Variants in IKZF2 observed in about 807,000 individuals in gnomAD.
IKZF2 encodes zinc finger protein Helios.
A neutral mutation model predicts 49.2 loss-of-function variants in IKZF2; 15 were observed. The ratio of observed to expected loss-of-function variants is 0.30; its 90% CI spans 0.20 to 0.47. The LOEUF is 0.47. Among genes scored for constraint, IKZF2 ranks in the 20% least tolerant of loss-of-function variants. IKZF2 has a pLI of 1.00. For missense variants in IKZF2, 567 were observed against 664.6 expected, an observed-to-expected ratio of 0.85 and a Z score of 1.61; for synonymous variants, 227 against 221.4, an observed-to-expected ratio of 1.03 and a Z score of -0.23.
chr2:213,110,547 T>TAA (rs1414609084), intron 4 of IKZF2, among the ~76,000 whole-genome samples: 2 of 151,994 alleles, frequency 1.3e-5, no homozygotes, highest in Non-Finnish European at 2.9e-5. Context: ...TATACCTAAT[T>TAA]TATTTAATCA....
At chr2:213,043,545 T>C (rs945359063) in intron 6 of IKZF2, among the ~76,000 whole-genome samples, 1 of 152,238 alleles carries the variant, frequency 6.6e-6, no homozygotes, top group African/African-American at 2.4e-5. Flanking sequence ...CTTAATACTC[T>C]ATATCAGCAG....
Position 213,060,030 on chromosome 2 carries a change from C to T in IKZF2, c.140-2931G>A, listed in dbSNP as rs530859860. 2.1e-4 allele frequency among the ~76,000 whole-genome samples: 31 copies of T among 151,176 alleles called. No individual in the cohort carries two copies. In the South Asian group the frequency reaches 2.1e-3, roughly 10 times the overall value. ...ATAAAGTGCAACACATTTTAATATA[C>T]GCATGTCATACATTAAATTTTGCAT... On this transcript the variant is annotated intron_variant, in intron 4 of 8. Transcript: ENST00000434687.
At chr2:213,115,828 G>A (rs1325314471) in intron 4 of IKZF2, among the ~76,000 whole-genome samples, 1 of 151,974 alleles carries the variant, frequency 6.6e-6, no homozygotes, top group African/African-American at 2.4e-5. Context: ...TTCACATGGT[G>A]TAATAAATAC....
At chr2:213,122,243 C>T (rs2060082397) in intron 4 of IKZF2, among the ~76,000 whole-genome samples, 1 of 152,232 alleles carries the variant, frequency 6.6e-6, no homozygotes, top group African/African-American at 2.4e-5. Flanking sequence ...CTACCATCTT[C>T]TGAAAAGCAG....
chr2:213,050,061 T>A (rs1046952371), intron 5 of IKZF2, among the ~76,000 whole-genome samples, 181 bp from the exon 6 acceptor site: 2 of 152,170 alleles, frequency 1.3e-5, no homozygotes, highest in Non-Finnish European at 2.9e-5. Context: ...GTCTTAAGTT[T>A]TACATCAAAT....
chr2:213,126,921 C>G (rs2060282928), intron 4 of IKZF2, among the ~76,000 whole-genome samples: 1 of 152,256 alleles, frequency 6.6e-6, no homozygotes, highest in African/African-American at 2.4e-5. Flanking sequence ...CACCAAAAAA[C>G]CATCAATCTT....
intron 4 of IKZF2, among the ~76,000 whole-genome samples, chr2:213,102,241 C>T (rs925595398): frequency 2.0e-5 from 3 of 152,080 alleles, no homozygotes; most frequent in Non-Finnish European, 2.9e-5. Context: ...TTTCTGTACC[C>T]GGGAAAACCA....
At chr2:213,040,246 T>TG (rs201936103) in intron 6 of IKZF2, among the ~76,000 whole-genome samples, 7 of 50,652 alleles carry the variant, frequency 1.4e-4, no homozygotes, top group Admixed American at 3.2e-4. Flanking sequence ...GTCATGGGTT[T>TG]TTTTTTTTTT....
At chr2:213,019,036 G>C (rs958177077) in intron 7 of IKZF2, among the ~76,000 whole-genome samples, 2 of 151,994 alleles carry the variant, frequency 1.3e-5, no homozygotes, top group African/African-American at 4.8e-5. Flanking sequence ...TGTATTAAAA[G>C]ACTGGGTCCA....
At chr2:213,143,114 A>C (rs1259506729) in intron 4 of IKZF2, among the ~76,000 whole-genome samples, 1 of 152,042 alleles carries the variant, frequency 6.6e-6, no homozygotes, top group Non-Finnish European at 1.5e-5. Flanking sequence ...AATATGATAA[A>C]AATATGTAAA....
chr2:213,129,346 G>A (rs150586836), intron 4 of IKZF2, among the ~76,000 whole-genome samples: 3 of 147,658 alleles, frequency 2.0e-5, no homozygotes, highest in Non-Finnish European at 4.5e-5. Flanking sequence ...GCAAAGCCTC[G>A]CCAAGGAGGC....
At chr2:213,011,542 T>A (rs190619382) in intron 8 of IKZF2, among the ~76,000 whole-genome samples, 2 of 152,016 alleles carry the variant, frequency 1.3e-5, no homozygotes, top group African/African-American at 2.4e-5. Context: ...TCCTATAGAA[T>A]TGGTAATATT....
chr2:213,133,772 T>C (rs144401344), intron 4 of IKZF2, among the ~76,000 whole-genome samples: 1 of 152,046 alleles, frequency 6.6e-6, no homozygotes, highest in African/African-American at 2.4e-5. Flanking sequence ...CTAAGTACTA[T>C]CAAAAAGAGT....
intron 6 of IKZF2, among the ~76,000 whole-genome samples, chr2:213,041,388 C>A (rs997585523): frequency 1.3e-5 from 2 of 151,840 alleles, no homozygotes; most frequent in Non-Finnish European, 2.9e-5. Context: ...GGCTGGTGTC[C>A]GCCTCCCGGG....
chr2:213,060,811 T>A (rs984911285), intron 4 of IKZF2, among the ~76,000 whole-genome samples: 3 of 151,480 alleles, frequency 2.0e-5, no homozygotes, highest in African/African-American at 7.2e-5. Context: ...AGCATTTATA[T>A]TTATAACTGT....
At chr2:213,119,031 T>C (rs1487912158) in intron 4 of IKZF2, among the ~76,000 whole-genome samples, 4 of 152,230 alleles carry the variant, frequency 2.6e-5, no homozygotes, top group African/African-American at 4.8e-5. Context: ...TGAATTGTTC[T>C]ATGACAGGAT....
chr2:213,124,235 T>TGAACTCGCGC (rs879580232), intron 4 of IKZF2, among the ~76,000 whole-genome samples: 2 of 115,176 alleles, frequency 1.7e-5, no homozygotes, highest in Non-Finnish European at 3.4e-5. Flanking sequence ...CACGCACACA[T>TGAACTCGCGC]GCGCTCGCGC....
intron 5 of IKZF2, among the ~76,000 whole-genome samples, chr2:213,054,729 AG>A (rs1293685898): frequency 1.3e-5 from 2 of 152,202 alleles, no homozygotes; most frequent in African/African-American, 4.8e-5. Flanking sequence ...TGACAAAAAA[AG>A]ATAGTGTTGC....
Position 213,000,068 on chromosome 2 carries a change from T to C in IKZF2, c.*7292A>G, listed in dbSNP as rs1397957725. The C allele has an allele frequency of 2.6e-5, 4 of 151,938 alleles. No homozygotes were observed. Among genetic ancestry groups the C allele is most frequent in the Non-Finnish European group, 5.9e-5 (4 of 67,662 alleles). The allele number at this position is 151,938 out of a possible 1,614,324, so 9.4% of individuals were successfully genotyped here. Reference sequence around the variant, plus strand: ...ACATTTTAGTCTGCAGTGATAAAACTATTTAGCGGAGGTCTCCAAATCAGT... The same window carrying C: ...ACATTTTAGTCTGCAGTGATAAAACCATTTAGCGGAGGTCTCCAAATCAGT... On this transcript the variant is annotated 3_prime_UTR_variant, in exon 9 of 9. Transcript: ENST00000434687.
Sources: allele counts gnomAD v4.1 joint callset (sites outside exome capture counted in the v4.1 genomes callset), GRCh38; gene constraint gnomAD v4.1.1; transcripts MANE v1.5; gene names NCBI Gene and HGNC (gene_info 2026-07-23, HGNC 2026-07-21).